AHNAK2: variants seen among roughly 807,000 people sequenced by gnomAD.
AHNAK2 encodes the protein AHNAK nucleoprotein 2, also known as protein AHNAK2.
A neutral mutation model predicts 30.7 loss-of-function variants in AHNAK2; 18 were observed. The ratio of observed to expected loss-of-function variants is 0.59; its 90% confidence interval spans 0.41 to 0.87. The LOEUF is 0.87. Ranked by LOEUF, AHNAK2 falls within the 40% of genes least tolerant of loss-of-function variation. The pLI is 0.00. For synonymous variants in AHNAK2, 3,590 were observed against 3,073.8 expected (o/e 1.17, Z -5.56); for missense variants, 8,604 against 7,373.0 (o/e 1.17, Z -6.11).
chr14:104,941,099 G>A lies in AHNAK2; in HGVS notation c.14352C>T (p.Leu4784=). The A allele has an allele frequency of 6.2e-7, 1 of 1,613,710 alleles. No individual in the cohort carries two copies. Among genetic ancestry groups the A allele is most frequent in the Non-Finnish European group, 8.5e-7 (1 of 1,179,894 alleles). The change falls in exon 7 of 7, where the codon CTC becomes CTT. Residue 4784 remains leucine, a synonymous_variant. Transcript: ENST00000333244. ...LTGPHFESSI[L]SPCEDVTLTK... is the part of the protein sequence containing the mutation. ...TAAGTGTAACATCCTCACAGGGAGAGAGAATAGAAGATTCAAAGTGAGGAC... is the reference window on the plus strand; with the variant it reads ...TAAGTGTAACATCCTCACAGGGAGAAAGAATAGAAGATTCAAAGTGAGGAC...
chr14:104,943,896 C>G lies in AHNAK2; in HGVS notation c.11555G>C (p.Ser3852Thr). 4 of 1,613,244 alleles carry G rather than the reference C, an allele frequency of 2.5e-6. No individual in the cohort carries two copies. Among genetic ancestry groups the G allele is most frequent in the Non-Finnish European group, 3.4e-6 (4 of 1,179,614 alleles). ...MQGDLKTTDL[S>T]IQPHSADLTV... ...CAGGTCGGCAGAATGGGGCTGAATG[C>G]TGAGGTCAGTGGTCTTGAGGTCCCC... The change falls in exon 7 of 7, where the codon AGC becomes ACC. Residue 3852 changes from serine (S) to threonine (T), a missense_variant. Coordinates refer to ENST00000333244, the MANE Select transcript of AHNAK2 (RefSeq NM_138420.4).
chr14:104,965,174 C>A (rs569572882), intron 1 of AHNAK2, among the ~76,000 whole-genome samples: 1 of 152,180 alleles, frequency 6.6e-6, no homozygotes, highest in South Asian at 2.1e-4. Flanking sequence ...ACGGACGCCC[C>A]GATGGATAAT....
At position 104,938,117 on chromosome 14, in the gene AHNAK2, G is replaced by C; in HGVS notation, c.17334C>G (p.Asp5778Glu). The C allele has an allele frequency of 6.2e-7, 1 of 1,613,918 alleles. No individual in the cohort carries two copies. ...ARTELILPEQDRKADDESKGS... is the reference protein window; with the variant it reads ...ARTELILPEQERKADDESKGS... ...CTTTGCTTTCATCGTCAGCTTTTCT[G>C]TCCTGCTCGGGCAGGATTAACTCTG... The change falls in exon 7 of 7, where the codon GAC (aspartate) becomes GAG (glutamate). Residue 5778 changes from aspartate (D) to glutamate (E), a missense_variant. Transcript: ENST00000333244.
chr14:104,948,841 G>C lies in AHNAK2; in HGVS notation c.6610C>G (p.Gln2204Glu). 6.2e-7 allele frequency: 1 copy of C among 1,612,174 alleles called. No individual in the cohort carries two copies. Among genetic ancestry groups the C allele is most frequent in the East Asian group, 2.2e-5 (1 of 44,730 alleles). ...ACCTTCACGTCGGCGGAAAGGGGCT[G>C]AATGCTGAGGTCAGTGGTCTTGAGG... ...GDLKTTDLSI[Q>E]PLSADVKVQA... Residue 2204 changes from glutamine to glutamate, a missense_variant, in exon 7 of 7, where the codon CAG becomes GAG. Physicochemically the swap from Gln to Glu is conservative, Grantham distance 29. Coordinates refer to ENST00000333244, the MANE Select transcript of AHNAK2 (RefSeq NM_138420.4).
intron 4 of AHNAK2, among the ~76,000 whole-genome samples, chr14:104,955,906 C>T (rs1487798255): frequency 6.6e-6 from 1 of 152,272 alleles, no homozygotes; most frequent in African/African-American, 2.4e-5. Context: ...CCCAGCAGGG[C>T]ACCAGGAGCA....
Position 104,955,463 on chromosome 14 carries a change from G to A in AHNAK2, c.466+20C>T. 6.2e-7 allele frequency: 1 copy of A among 1,606,412 alleles called. No individual in the cohort carries two copies. The highest frequency in any genetic ancestry group is 1.3e-5 in the African/African-American group (1 of 75,002). On this transcript the variant is annotated intron_variant, in intron 5 of 6. Coordinates refer to ENST00000333244, the MANE Select transcript of AHNAK2 (RefSeq NM_138420.4). ...CTGGTGGGGAGAATGGTGACCCCAG[G>A]GATGGAACTGCCATGGCACCTTCTC...
rs1315454197 is a variant in AHNAK2, at chr14:104,953,129, C to T, written c.2322G>A (p.Lys774=). 1.7e-5 allele frequency: 28 copies of T among 1,613,190 alleles called. No individual in the cohort carries two copies. Among genetic ancestry groups the T allele is most frequent in the Non-Finnish European group, 2.3e-5 (27 of 1,179,730 alleles). Residue 774 remains lysine (K), a synonymous_variant, in exon 7 of 7, where the codon AAG becomes AAA. Coordinates refer to ENST00000333244, the MANE Select transcript of AHNAK2 (RefSeq NM_138420.4). ...PSLKMPKVDL[K]GPKLDLKGPK... is the part of the protein sequence containing the mutation. ...GGCCTTTCAGGTCCAGCTTGGGGCCCTTGAGGTCCACTTTGGGCATCTTCA... is the reference window on the plus strand; with the variant it reads ...GGCCTTTCAGGTCCAGCTTGGGGCCTTTGAGGTCCACTTTGGGCATCTTCA...
intron 1 of AHNAK2, among the ~76,000 whole-genome samples, chr14:104,977,594 C>T (rs1002665773): frequency 6.6e-6 from 1 of 152,172 alleles, no homozygotes; most frequent in African/African-American, 2.4e-5. Context: ...GCCAGCGACC[C>T]CACCACACAG....
Position 104,948,821 on chromosome 14 carries a change from C to T in AHNAK2, c.6630G>A (p.Val2210=). Residue 2210 remains valine, a synonymous_variant, in exon 7 of 7, where the codon GTG becomes GTA. Coordinates refer to ENST00000333244, the MANE Select transcript of AHNAK2 (RefSeq NM_138420.4). The stretch of plus-strand genomic sequence containing the variant: ...CGTCCACCTGGCCAGCCTGGACCTT[C>T]ACGTCGGCGGAAAGGGGCTGAATGC... ...DLSIQPLSAD[V]KVQAGQVDVK... 1.2e-6 allele frequency: 2 copies of T among 1,612,474 alleles called. No individual in the cohort carries two copies. The highest frequency in any genetic ancestry group is 1.7e-6 in the Non-Finnish European group (2 of 1,179,578).
rs772012981 is a variant in AHNAK2, at chr14:104,952,292, A to C, written c.3159T>G (p.Thr1053=). 1.2e-6 allele frequency: 2 copies of C among 1,610,116 alleles called. No individual in the cohort carries two copies. Among genetic ancestry groups the C allele is most frequent in the African/African-American group, 1.4e-5 (1 of 72,848 alleles). The part of the protein sequence containing the change: ...TTDLSIQPAS[T]DLKVQADQVD... ...CCTGGTCAGCCTGGACCTTCAGGTCAGTAGAAGCAGGCTGAATGCTGAGGT... is the reference window on the plus strand; with the variant it reads ...CCTGGTCAGCCTGGACCTTCAGGTCCGTAGAAGCAGGCTGAATGCTGAGGT... The change falls in exon 7 of 7, where the codon ACT becomes ACG. Residue 1053 remains threonine (T), a synonymous_variant. Coordinates refer to ENST00000333244, the MANE Select transcript of AHNAK2 (RefSeq NM_138420.4).
At position 104,952,806 on chromosome 14, in the gene AHNAK2, C is replaced by A. The variant is rs558662296; in HGVS notation, c.2645G>T (p.Ser882Ile). 1 of 1,612,500 alleles carries A rather than the reference C, an allele frequency of 6.2e-7. No individual in the cohort carries two copies. The highest frequency in any genetic ancestry group is 1.1e-5 in the South Asian group (1 of 91,020). The change falls in exon 7 of 7, where the codon AGC (serine) becomes ATC (isoleucine). Residue 882 changes from serine (S) to isoleucine (I), a missense_variant. Transcript: ENST00000333244. The stretch of plus-strand genomic sequence containing the variant: ...CAGGTCAGCGGAAGGGGGCTGAATG[C>A]TGAGGTCAGTGGCCTTGAGGTCCCC... ...MQGDLKATDL[S>I]IQPPSADLEV...
chr14:104,967,421 AGGGTAGT>A (rs981426487), intron 1 of AHNAK2, among the ~76,000 whole-genome samples: 1 of 152,208 alleles, frequency 6.6e-6, no homozygotes, highest in African/African-American at 2.4e-5. Flanking sequence ...AAATCTCTCC[AGGGTAGT>A]CTTGTGGGTG....
intron 1 of AHNAK2, among the ~76,000 whole-genome samples, chr14:104,967,916 T>TCGGC (rs1899351249): frequency 6.6e-6 from 1 of 152,144 alleles, no homozygotes; most frequent in Non-Finnish European, 1.5e-5. Flanking sequence ...AAGCCCCGCC[T>TCGGC]CGGCCGCAGA....
chr14:104,953,209 G>C lies in AHNAK2; in HGVS notation c.2242C>G (p.Leu748Val), dbSNP rs751872271. The C allele has an allele frequency of 1.9e-6, 3 of 1,611,764 alleles. No individual in the cohort carries two copies. The highest frequency in any genetic ancestry group is 2.2e-5 in the East Asian group (1 of 44,702). The change falls in exon 7 of 7, where the codon CTG (leucine) becomes GTG (valine). Residue 748 changes from leucine (L) to valine (V), a missense_variant. Physicochemically the swap from Leu to Val is conservative, Grantham distance 32 (BLOSUM62 1). Transcript: ENST00000333244. ...QVDVKLPEGP[L>V]PEGASLKGHL... Reference sequence around the variant, plus strand: ...CCTTTGAGGCTGGCTCCCTCGGGCAGGGGGCCCTCCGGAAGTTTCACATCC... The same window carrying C: ...CCTTTGAGGCTGGCTCCCTCGGGCACGGGGCCCTCCGGAAGTTTCACATCC...
intron 1 of AHNAK2, chr14:104,970,546 A>G: frequency 1.0e-6 from 1 of 983,184 alleles, no homozygotes; most frequent in Non-Finnish European, 1.2e-6. Flanking sequence ...TTCCCTCCAC[A>G]GCTCCTCCCC....
rs770800077 is a variant in AHNAK2 at position 104,942,400 on chromosome 14, G to T, written c.13051C>A (p.Pro4351Thr). The T allele has an allele frequency of 3.7e-6, 6 of 1,612,956 alleles. No homozygotes were observed. Among genetic ancestry groups the T allele is most frequent in the African/African-American group, 1.3e-5 (1 of 74,692 alleles). ...LKTTHLSIQP[P>T]SADLEVQAGQ... is the part of the protein sequence containing the mutation. ...GCCTGGACCTCCAGATCAGCGGAAG[G>T]GGGCTGAATGCTGAGGTGAGTGGTC... is the stretch of plus-strand genomic sequence containing the variant. Residue 4351 changes from proline (P) to threonine (T), a missense_variant, in exon 7 of 7, where the codon CCT becomes ACT. Physicochemically the swap from Pro to Thr is conservative, Grantham distance 38. Coordinates refer to ENST00000333244, the MANE Select transcript of AHNAK2 (RefSeq NM_138420.4).
rs747509619 is a variant in AHNAK2, at chr14:104,945,079, C to G, written c.10372G>C (p.Asp3458His). ...ACATCCTTTTCAGCCAGGGACAGGT[C>G]CCCCTCCAGCCGCGCACCATCCAGC... ...AKLDGARLEGDLSLAEKDVTA... is the reference protein window; with the variant it reads ...AKLDGARLEGHLSLAEKDVTA... Residue 3458 changes from aspartate (D) to histidine (H), a missense_variant, in exon 7 of 7, where the codon GAC becomes CAC. Asp to His is a moderately conservative substitution (Grantham distance 81). Coordinates refer to ENST00000333244, the MANE Select transcript of AHNAK2 (RefSeq NM_138420.4). The G allele has an allele frequency of 6.2e-7, 1 of 1,613,240 alleles. No homozygotes were observed. The highest frequency in any genetic ancestry group is 1.3e-5 in the African/African-American group (1 of 74,732).
In AHNAK2 at chr14:104,954,578, A is replaced by T; in HGVS notation, c.873T>A (p.His291Gln). 6.2e-7 allele frequency: 1 copy of T among 1,609,014 alleles called. No homozygotes were observed. Among genetic ancestry groups the T allele is most frequent in the South Asian group, 1.1e-5 (1 of 90,682 alleles). Reference protein sequence around the residue: ...SSEAYEPRDAHDVSPTSTDTE... With the variant: ...SSEAYEPRDAQDVSPTSTDTE... ...TGTCTGTGCTTGTAGGGGACACGTC[A>T]TGTGCGTCCCTAGGTTCGTAGGCCT... The change falls in exon 7 of 7, where the codon CAT (histidine) becomes CAA (glutamine). Residue 291 changes from histidine (H) to glutamine (Q), a missense_variant. Physicochemically the swap from His to Gln is conservative, Grantham distance 24. Transcript: ENST00000333244. This position sits in a 1 kb window ranked among gnomAD's most constrained non-coding sequence, Gnocchi z 4.3.
In AHNAK2 at chr14:104,945,547, T is replaced by A. The variant is rs1219107287; in HGVS notation, c.9904A>T (p.Thr3302Ser). 1 of 1,611,362 alleles carries A rather than the reference T, an allele frequency of 6.2e-7. No homozygotes were observed. The highest frequency in any genetic ancestry group is 1.3e-5 in the African/African-American group (1 of 74,252). The part of the protein sequence containing the change: ...GDLSLADKDV[T>S]AKDSKFKMPK... ...ATTTTGAACTTGCTGTCTTTGGCAG[T>A]CACATCCTTGTCGGCCAGGGACAGG... The change falls in exon 7 of 7, where the codon ACT becomes TCT. Residue 3302 changes from threonine to serine, a missense_variant. Thr to Ser is a moderately conservative substitution (Grantham distance 58, BLOSUM62 1). Coordinates refer to ENST00000333244, the MANE Select transcript of AHNAK2 (RefSeq NM_138420.4).
Sources: gnomAD v4.1 joint callset for allele counts (sites outside exome capture counted in the v4.1 genomes callset) on GRCh38, gnomAD v4.1.1 for gene constraint, Gnocchi (gnomAD v3.1) non-coding constraint, MANE v1.5 for transcripts, NCBI Gene and HGNC (gene_info 2026-07-23, HGNC 2026-07-21) for gene names.